The following CEP170 variants were observed in gnomAD, a reference collection of about 807,000 sequenced individuals.
CEP170 encodes centrosomal protein of 170 kDa.
A neutral mutation model predicts 151.9 loss-of-function variants in CEP170; 21 were observed. The observed-to-expected ratio is 0.14, with a 90% CI of 0.10 to 0.20. The LOEUF is 0.20. CEP170 is among the 10% of genes least tolerant of loss of function. The pLI is 1.00. For synonymous variants in CEP170, 356 were observed against 648.8 expected (o/e 0.55, Z 6.86); for missense variants, 964 against 1,892.9 (o/e 0.51, Z 9.11).
intron 1 of CEP170, among the ~76,000 whole-genome samples, chr1:243,228,979 T>C: frequency 6.6e-6 from 1 of 152,232 alleles, no homozygotes; most frequent in Non-Finnish European, 1.5e-5. Flanking sequence ...CACTTACAGC[T>C]TCTCTGCTGA....
intron 4 of CEP170, among the ~76,000 whole-genome samples, chr1:243,202,370 G>T (rs1269761722): frequency 6.6e-6 from 1 of 152,020 alleles, no homozygotes; most frequent in Admixed American, 6.6e-5. Context: ...CTACTCAGGT[G>T]GTGGGTACAC....
Position 243,191,172 on chromosome 1 carries a change from G to C in CEP170, c.954C>G (p.Asp318Glu), listed in dbSNP as rs755921453. ...TCATTCCTGTTTGAATCCCCAGCAA[G>C]TCTTGAGTTCCAGGAGAAGACTTCT... is the stretch of plus-strand genomic sequence containing the variant. ...KSKKSSPGTQ[D>E]LLGIQTGMMA... Residue 318 changes from aspartate (D) to glutamate (E), a missense_variant, in exon 8 of 20, where the codon GAC becomes GAG. Asp to Glu is a conservative substitution (Grantham distance 45). Transcript: ENST00000366542. 1 of 1,612,596 alleles carries C rather than the reference G, an allele frequency of 6.2e-7. No homozygotes were observed. The highest frequency in any genetic ancestry group is 8.5e-7 in the Non-Finnish European group (1 of 1,179,260).
intron 1 of CEP170, among the ~76,000 whole-genome samples, chr1:243,226,243 A>G (rs938247502): frequency 1.2e-4 from 18 of 146,602 alleles, no homozygotes; most frequent in South Asian, 2.1e-4. Flanking sequence ...ATATATATAC[A>G]CATATATGTA....
At chr1:243,160,917 C>G (rs1401529146) in intron 13 of CEP170, among the ~76,000 whole-genome samples, 1 of 150,868 alleles carries the variant, frequency 6.6e-6, no homozygotes, top group Non-Finnish European at 1.5e-5. Context: ...AAAATGTGCA[C>G]TTAAAACATA....
At chr1:243,179,855 G>A (rs960862718) in intron 10 of CEP170, among the ~76,000 whole-genome samples, 6 of 152,130 alleles carry the variant, frequency 3.9e-5, no homozygotes, top group Non-Finnish European at 7.4e-5. Flanking sequence ...TAAACCAGAC[G>A]GAAGTGAGTT....
chr1:243,226,018 TAC>T lies in CEP170; in HGVS notation c.-41-699_-41-698del, dbSNP rs1466184372. On this transcript the variant is annotated intron_variant, in intron 1 of 19. Transcript: ENST00000366542. Reference sequence around the variant, plus strand: ...ACACGTATATATATCTAGATATATATACACACGTATATATATCTATCTCTAGA... The same window carrying T: ...ACACGTATATATATCTAGATATATATACACGTATATATATCTATCTCTAGA... Among the ~76,000 whole-genome samples, 13 of 143,090 alleles carry T rather than the reference TAC, an allele frequency of 9.1e-5. 1 individual carries two copies. The highest frequency in any genetic ancestry group is 4.6e-4 in the South Asian group (2 of 4,342). 93.9% of individuals were successfully genotyped at this position (143,090 alleles called of 152,430 possible). A position where few individuals can be genotyped will look rare whatever the true frequency, so the allele number is the denominator to read the frequency against.
At chr1:243,223,086 C>T (rs1314828937) in intron 2 of CEP170, among the ~76,000 whole-genome samples, 1 of 152,208 alleles carries the variant, frequency 6.6e-6, no homozygotes, top group Non-Finnish European at 1.5e-5. Flanking sequence ...CAACGCACCA[C>T]TCAGCAAAAT....
rs1351958482 is a variant in CEP170 at position 243,226,164 on chromosome 1, TATAG to T, written c.-41-847_-41-844del. Among the ~76,000 whole-genome samples, 66 of 92,806 alleles carry T rather than the reference TATAG, an allele frequency of 7.1e-4. 1 individual carries two copies. Among genetic ancestry groups the T allele is most frequent in the Admixed American group, 2.6e-3 (20 of 7,824 alleles). The allele number at this position is 92,806 out of a possible 152,430, so 60.9% of individuals were successfully genotyped here. On this transcript the variant is annotated intron_variant, in intron 1 of 19. Transcript: ENST00000366542. Reference sequence around the variant, plus strand: ...ATATATATGTACATGTCTATCTCTCTATAGATATATATATATCTAGATATATATA... The same window carrying T: ...ATATATATGTACATGTCTATCTCTCTATATATATATATCTAGATATATATA...
intron 14 of CEP170, among the ~76,000 whole-genome samples, chr1:243,150,549 G>T (rs1159088238): frequency 6.6e-6 from 1 of 152,178 alleles, no homozygotes; most frequent in African/African-American, 2.4e-5. Context: ...AAATAAGTTT[G>T]GACGGAAATT....
chr1:243,200,453 G>A (rs891631413), intron 6 of CEP170, 65 bp downstream of exon 6: 2 of 1,587,082 alleles, frequency 1.3e-6, no homozygotes, highest in African/African-American at 2.7e-5. Flanking sequence ...AACTTTCTGA[G>A]AACAAAGCAT....
chr1:243,186,644 C>T (rs1018968063), intron 8 of CEP170: 75 of 501,462 alleles, frequency 1.5e-4, no homozygotes, highest in Non-Finnish European at 2.0e-4. Flanking sequence ...TGAATAGGAT[C>T]GCCTTTCTCC....
At chr1:243,170,379 G>A (rs755670013) in intron 11 of CEP170, among the ~76,000 whole-genome samples, 3 of 151,650 alleles carry the variant, frequency 2.0e-5, no homozygotes, top group East Asian at 1.9e-4. Flanking sequence ...GCGAGACTTC[G>A]TCTCAAAAAG....
intron 3 of CEP170, among the ~76,000 whole-genome samples, chr1:243,219,621 G>A (rs1275172033): frequency 2.0e-5 from 3 of 152,228 alleles, no homozygotes; most frequent in Admixed American, 6.5e-5. Flanking sequence ...TGTAATTCCC[G>A]CTGCTTATTT....
intron 3 of CEP170, among the ~76,000 whole-genome samples, chr1:243,216,410 T>A (rs185277182): frequency 1.3e-5 from 2 of 150,664 alleles, no homozygotes; most frequent in African/African-American, 4.9e-5. Context: ...TGTGTCCATG[T>A]GTTCTCATTG....
chr1:243,166,020 T>A lies in CEP170; in HGVS notation c.1940A>T (p.Gln647Leu). The change falls in exon 13 of 20, where the codon CAG becomes CTG. Residue 647 changes from glutamine to leucine, a missense_variant. By Grantham distance (113) the Gln-to-Leu change is moderately radical (BLOSUM62 -2). Coordinates refer to ENST00000366542, the MANE Select transcript of CEP170 (RefSeq NM_014812.3). The stretch of plus-strand genomic sequence containing the variant: ...AAGAGACTTTTCTTCATTTGGAAGC[T>A]GGGGAAGAGTTCGTCTCCTTCTCTC... Reference protein sequence around the residue: ...QGERRRRTLPQLPNEEKSLES... With the variant: ...QGERRRRTLPLLPNEEKSLES... 6.2e-7 allele frequency: 1 copy of A among 1,613,226 alleles called. No individual in the cohort carries two copies. Among genetic ancestry groups the A allele is most frequent in the Non-Finnish European group, 8.5e-7 (1 of 1,179,500 alleles).
chr1:243,140,730 GTT>G (rs2055741173), intron 15 of CEP170: 1 of 152,104 alleles, frequency 6.6e-6, no homozygotes, highest in African/African-American at 2.4e-5. Flanking sequence ...AGTAACTCGG[GTT>G]TACTGAAGAG....
chr1:243,188,066 A>G (rs1166251872), intron 8 of CEP170, among the ~76,000 whole-genome samples: 2 of 152,192 alleles, frequency 1.3e-5, no homozygotes, highest in East Asian at 1.9e-4. Context: ...TAAGCTAGGA[A>G]TAACAGATAG....
intron 10 of CEP170, among the ~76,000 whole-genome samples, chr1:243,182,820 A>G (rs2059709133): frequency 6.6e-6 from 1 of 152,188 alleles, no homozygotes; most frequent in African/African-American, 2.4e-5. Flanking sequence ...AGGACATTTT[A>G]TATGCTGGCA....
At chr1:243,130,129 AT>A (rs2054224201) in intron 17 of CEP170, among the ~76,000 whole-genome samples, 2 of 152,170 alleles carry the variant, frequency 1.3e-5, no homozygotes, top group Non-Finnish European at 2.9e-5. Context: ...ACTGTCACTT[AT>A]AAAGAAAATG....
Sources: gnomAD v4.1 joint callset for allele counts (sites outside exome capture counted in the v4.1 genomes callset) on GRCh38, gnomAD v4.1.1 for gene constraint, MANE v1.5 for transcripts, NCBI Gene and HGNC (gene_info 2026-07-23, HGNC 2026-07-21) for gene names.